Variants in DAPK3 observed in about 807,000 individuals in gnomAD.
DAPK3 encodes the protein death associated protein kinase 3.
In DAPK3, 24 loss-of-function variants were observed where a neutral mutation model predicts 30.6. The observed-to-expected ratio is 0.78, with a 90% CI of 0.57 to 1.10. DAPK3 has a LOEUF of 1.10. Among genes scored for constraint, DAPK3 ranks in the 50% least tolerant of loss-of-function variants. The probability of loss-of-function intolerance (pLI) is 0.00; values close to 1 mark genes in which losing one functional copy is unlikely to be tolerated. For synonymous variants in DAPK3, 341 were observed against 284.0 expected, an observed-to-expected ratio of 1.20 and a Z score of -2.02; for missense variants, 629 against 657.3, an observed-to-expected ratio of 0.96 and a Z score of 0.47.
chr19:3,962,813 T>C (rs945723510), intron 6 of DAPK3, among the ~76,000 whole-genome samples: 32 of 66,054 alleles, frequency 4.8e-4, no homozygotes, highest in African/African-American at 1.5e-3. Context: ...AAAAAAAAAA[T>C]TAGCCAGCTG....
In DAPK3 at chr19:3,958,929, C is replaced by A. The variant is rs1247798733; in HGVS notation, c.*172G>T. 1.2e-5 allele frequency: 7 copies of A among 584,684 alleles called. No homozygotes were observed. The highest frequency in any genetic ancestry group is 1.8e-5 in the Non-Finnish European group (6 of 331,532). The allele number at this position is 584,684 out of a possible 1,614,324, so 36.2% of individuals were successfully genotyped here. Reference sequence around the variant, plus strand: ...GAGAAGCAGCCCCGTCCCACACCCACCCCTGCCTGCGAACTTACGGGCCTG... The same window carrying A: ...GAGAAGCAGCCCCGTCCCACACCCAACCCTGCCTGCGAACTTACGGGCCTG... On this transcript the variant is annotated 3_prime_UTR_variant, in exon 9 of 9. Coordinates refer to ENST00000545797, the MANE Select transcript of DAPK3 (RefSeq NM_001348.3).
At chr19:3,969,604 T>C (rs2039614185) in intron 2 of DAPK3, 70 bp downstream of exon 2, 3 of 949,422 alleles carry the variant, frequency 3.2e-6, no homozygotes, top group Non-Finnish European at 5.2e-6. Flanking sequence ...AAAGGAGAGC[T>C]GCTGTTCAGA....
chr19:3,965,831 A>AT (rs926733731), intron 2 of DAPK3, among the ~76,000 whole-genome samples: 3 of 150,384 alleles, frequency 2.0e-5, no homozygotes, highest in Non-Finnish European at 4.4e-5. Flanking sequence ...CACCCAATTA[A>AT]TTTTTTTTTC....
chr19:3,967,278 C>T (rs1324952807), intron 2 of DAPK3, among the ~76,000 whole-genome samples: 2 of 151,778 alleles, frequency 1.3e-5, no homozygotes, highest in African/African-American at 2.4e-5. Flanking sequence ...GTGAAAGCCA[C>T]GTCTCTACTA....
rs1334983804 is a variant in DAPK3, at chr19:3,959,248, G to A, written c.1218C>T (p.Thr406=). The change falls in exon 9 of 9, where the codon ACC becomes ACT. Residue 406 remains threonine (T), a synonymous_variant. Transcript: ENST00000545797. ...GGCTGAAGCGGCGCTTGAGGCCGCT[G>A]GTCCCCAGCAGCGCGCCCTTGGCCT... ...QEEAKGALLG[T]SGLKRRFSRL... 1 of 1,600,244 alleles carries A rather than the reference G, an allele frequency of 6.2e-7. No individual in the cohort carries two copies. The highest frequency in any genetic ancestry group is 2.2e-5 in the East Asian group (1 of 44,790).
At position 3,958,499 on chromosome 19, in the gene DAPK3, CT is replaced by C. The variant is rs1215662090; in HGVS notation, c.*601del. Reference sequence around the variant, plus strand: ...TTTCTCTTGGCTGCAGAGGGCCGCTCTTGCCTAGGCGTCCACAGGCGCGACG... The same window carrying C: ...TTTCTCTTGGCTGCAGAGGGCCGCTCTGCCTAGGCGTCCACAGGCGCGACG... On this transcript the variant is annotated 3_prime_UTR_variant, in exon 9 of 9. Coordinates refer to ENST00000545797, the MANE Select transcript of DAPK3 (RefSeq NM_001348.3). 6.6e-6 allele frequency: 3 copies of C among 456,570 alleles called. No homozygotes were observed. The highest frequency in any genetic ancestry group is 1.3e-5 in the Non-Finnish European group (3 of 227,248). 28.3% of individuals were successfully genotyped at this position (456,570 alleles called of 1,614,324 possible). A position where few individuals can be genotyped will look rare whatever the true frequency, so the allele number is the denominator to read the frequency against.
chr19:3,964,747 CAA>C lies in DAPK3; in HGVS notation c.305_306del (p.Phe102Ter). ...ILELVSGGEL[F>X]DFLAEKESLT... ...AGCGACTCCTTCTCCGCCAGGAAGT[CAA>C]AGAGCTCCCCGCCAGAGACCAGCTC... On this transcript the variant is annotated frameshift_variant, in exon 3 of 9. Coordinates refer to ENST00000545797, the MANE Select transcript of DAPK3 (RefSeq NM_001348.3). LOFTEE classifies it high-confidence loss of function. The C allele has an allele frequency of 6.2e-7, 1 of 1,612,992 alleles. No homozygotes were observed. Among genetic ancestry groups the C allele is most frequent in the South Asian group, 1.1e-5 (1 of 91,052 alleles).
At chr19:3,968,550 T>G (rs2039602457) in intron 2 of DAPK3, among the ~76,000 whole-genome samples, 1 of 152,004 alleles carries the variant, frequency 6.6e-6, no homozygotes, top group East Asian at 1.9e-4. Context: ...CATCCATGTA[T>G]GTACAGTTTT....
intron 4 of DAPK3, 36 bp downstream of exon 4, chr19:3,964,208 C>T (rs546108158): frequency 8.9e-6 from 14 of 1,564,360 alleles, no homozygotes; most frequent in Admixed American, 1.8e-5. Flanking sequence ...AGACCACCCT[C>T]CCCAGGCCGG....
chr19:3,964,568 T>TAC, intron 3 of DAPK3, 63 bp downstream of exon 3: 9 of 1,321,020 alleles, frequency 6.8e-6, no homozygotes, highest in South Asian at 1.3e-5. Context: ...TCCAGGCTCT[T>TAC]CCCCGCCCCA....
intron 6 of DAPK3, among the ~76,000 whole-genome samples, chr19:3,962,702 G>A (rs985101885): frequency 2.0e-5 from 3 of 151,070 alleles, no homozygotes; most frequent in Admixed American, 1.3e-4. Context: ...ACTTGAACCC[G>A]GGAGGCAGAG....
intron 2 of DAPK3, among the ~76,000 whole-genome samples, chr19:3,966,376 C>T (rs983810840): frequency 1.3e-5 from 2 of 152,188 alleles, no homozygotes; most frequent in Non-Finnish European, 2.9e-5. Context: ...GAAGGGGACA[C>T]GACTGGACCT....
intron 6 of DAPK3, chr19:3,961,631 C>T (rs999110199): frequency 5.3e-5 from 22 of 412,014 alleles, no homozygotes; most frequent in South Asian, 1.7e-4. Context: ...ACTGAAGCCC[C>T]GTCTGATCGT....
intron 3 of DAPK3, 23 bp downstream of exon 3, chr19:3,964,608 C>A (rs1410276232): frequency 6.3e-7 from 1 of 1,592,158 alleles, no homozygotes; most frequent in Non-Finnish European, 8.6e-7. Context: ...CAGGCCGGCC[C>A]CACAGGGCCC....
intron 4 of DAPK3, 56 bp from the exon 5 acceptor site, chr19:3,963,975 G>T: frequency 8.6e-7 from 1 of 1,167,456 alleles, no homozygotes; most frequent in Non-Finnish European, 1.3e-6. Flanking sequence ...CAAGGAAGAG[G>T]CTCAAGACAC....
intron 5 of DAPK3, 79 bp downstream of exon 5, chr19:3,963,792 C>T: frequency 8.1e-7 from 1 of 1,235,510 alleles, no homozygotes; most frequent in East Asian, 2.5e-5. Flanking sequence ...CAGCAAGGCC[C>T]CGCTTCATCC....
rs2039477468 is a variant in DAPK3 at position 3,959,361 on chromosome 19, C to T, written c.1105G>A (p.Glu369Lys). 2 of 1,584,278 alleles carry T rather than the reference C, an allele frequency of 1.3e-6. No homozygotes were observed. Among genetic ancestry groups the T allele is most frequent in the South Asian group, 1.1e-5 (1 of 88,696 alleles). Reference protein sequence around the residue: ...IYEEKEAWYREESDSLGQDLR... With the variant: ...IYEEKEAWYRKESDSLGQDLR... ...TCCTGGCCCAGGCTGTCGCTCTCCT[C>T]GCGGTACCAGGCCTCCTTCTCCTCG... The change falls in exon 9 of 9, where the codon GAG (glutamate) becomes AAG (lysine). Residue 369 changes from glutamate to lysine, a missense_variant. Glu to Lys is a moderately conservative substitution (Grantham distance 56). Transcript: ENST00000545797.
chr19:3,962,534 G>A (rs567422135), intron 6 of DAPK3, among the ~76,000 whole-genome samples: 15 of 152,284 alleles, frequency 9.9e-5, no homozygotes, highest in African/African-American at 3.4e-4. Context: ...CCAGCATTCT[G>A]GGAGGCCAAG....
rs201446546 is a variant in DAPK3, at chr19:3,959,487, T to C, written c.979A>G (p.Lys327Glu). 181 of 1,554,166 alleles carry C rather than the reference T, an allele frequency of 1.2e-4. No individual in the cohort carries two copies. Among genetic ancestry groups the C allele is most frequent in the Non-Finnish European group, 1.4e-4 (159 of 1,157,064 alleles). ...GCGGCCGCCGCCTCCTCCAGCACCT[T>C]GGAGAAGCGCTCGAAGTCGGCGTAG... Reference protein sequence around the residue: ...NSYADFERFSKVLEEAAAAEE... With the variant: ...NSYADFERFSEVLEEAAAAEE... Residue 327 changes from lysine (K) to glutamate (E), a missense_variant, in exon 9 of 9, where the codon AAG becomes GAG. Physicochemically the swap from Lys to Glu is moderately conservative, Grantham distance 56 (BLOSUM62 1). Transcript: ENST00000545797.
Sources: gnomAD v4.1 joint callset for allele counts (sites outside exome capture counted in the v4.1 genomes callset) on GRCh38, gnomAD v4.1.1 for gene constraint, MANE v1.5 for transcripts, NCBI Gene and HGNC (gene_info 2026-07-23, HGNC 2026-07-21) for gene names.